The following SYN2 variants were observed in gnomAD, a reference collection of about 807,000 sequenced individuals.
The protein encoded by SYN2 is synapsin II.
Under a neutral mutation model 50.9 loss-of-function variants are expected in SYN2, and 19 were observed. The ratio of observed to expected loss-of-function variants is 0.37; its 90% CI spans 0.26 to 0.55. SYN2 has a LOEUF of 0.55. SYN2 is among the 20% of genes least tolerant of loss of function. The pLI is 0.81. For missense variants in SYN2, 587 were observed against 576.4 expected, an observed-to-expected ratio of 1.02 and a Z score of -0.19; for synonymous variants, 255 against 224.9, an observed-to-expected ratio of 1.13 and a Z score of -1.20.
intron 10 of SYN2, among the ~76,000 whole-genome samples, chr3:12,172,713 C>T (rs1019865627): frequency 1.3e-5 from 2 of 152,214 alleles, no homozygotes; most frequent in Admixed American, 1.3e-4. Flanking sequence ...TGGCTTCTCC[C>T]TCCTTGGAGG....
At chr3:12,070,698 C>T in intron 1 of SYN2, 3 of 1,067,150 alleles carry the variant, frequency 2.8e-6, no homozygotes, top group Non-Finnish European at 4.1e-6. Flanking sequence ...TGTTAATGGA[C>T]CCTGGAGATG....
intron 3 of SYN2, among the ~76,000 whole-genome samples, chr3:12,143,757 G>C (rs370172821): frequency 6.6e-6 from 1 of 152,122 alleles, no homozygotes; most frequent in Non-Finnish European, 1.5e-5. Flanking sequence ...ATATGAGTAC[G>C]GGTGTCTTTT....
intron 1 of SYN2, among the ~76,000 whole-genome samples, chr3:12,075,690 T>G (rs932253027): frequency 2.6e-5 from 4 of 152,190 alleles, no homozygotes; most frequent in African/African-American, 9.7e-5. Context: ...TATTAAGAAT[T>G]ACTGGAACAA....
chr3:12,162,181 C>T lies in SYN2; in HGVS notation c.980+27C>T, dbSNP rs373524963. 5 of 1,608,598 alleles carry T rather than the reference C, an allele frequency of 3.1e-6. No homozygotes were observed. In the African/African-American group the frequency reaches 6.7e-5, roughly 22 times the overall value. ...TGAGTAAGAGTGGGGTATGTTTTCTCCTCAGTGATGATGGAAAAGCTGAGC... is the reference window on the plus strand; with the variant it reads ...TGAGTAAGAGTGGGGTATGTTTTCTTCTCAGTGATGATGGAAAAGCTGAGC... On this transcript the variant is annotated intron_variant, in intron 7 of 12. Coordinates refer to ENST00000621198, the MANE Select transcript of SYN2 (RefSeq NM_133625.6).
At chr3:12,051,119 T>C (rs1694851618) in intron 1 of SYN2, among the ~76,000 whole-genome samples, 2 of 152,200 alleles carry the variant, frequency 1.3e-5, no homozygotes, top group South Asian at 2.1e-4. Context: ...AGAAAGTCAT[T>C]AGAAAATTCT....
chr3:12,129,915 C>T (rs1696757151), intron 1 of SYN2, among the ~76,000 whole-genome samples: 2 of 152,008 alleles, frequency 1.3e-5, no homozygotes, highest in South Asian at 2.1e-4. Flanking sequence ...GGGGCCCTCA[C>T]GATGGTGTTA....
At chr3:12,151,601 T>A (rs1367092911) in intron 5 of SYN2, among the ~76,000 whole-genome samples, 1 of 152,242 alleles carries the variant, frequency 6.6e-6, no homozygotes, top group Non-Finnish European at 1.5e-5. Flanking sequence ...ATCTCACTGC[T>A]TTTGAGTCCC....
chr3:12,005,369 A>G (rs536831461), intron 1 of SYN2, among the ~76,000 whole-genome samples: 66 of 152,148 alleles, frequency 4.3e-4, no homozygotes, highest in Non-Finnish European at 8.5e-4. Context: ...TTGGAATGGA[A>G]ATTGGTATTT....
Position 12,073,133 on chromosome 3 carries a change from A to G in SYN2, c.378-67518A>G, listed in dbSNP as rs545964638. ...ATGTGGAGTGGACTGGGTTTTTTCA[A>G]CTGTTAGAAAGTAAGTTTTCCCTTA... On this transcript the variant is annotated intron_variant, in intron 1 of 12. Transcript: ENST00000621198. Among the ~76,000 whole-genome samples the G allele has an allele frequency of 7.9e-5, 12 of 152,252 alleles. No homozygotes were observed. In the East Asian group the frequency reaches 2.1e-3, roughly 27 times the overall value.
At chr3:12,120,589 T>C (rs187444940) in intron 1 of SYN2, among the ~76,000 whole-genome samples, 2 of 152,334 alleles carry the variant, frequency 1.3e-5, no homozygotes, top group Admixed American at 1.3e-4. Flanking sequence ...GAAAGCCAAA[T>C]GCCATGGCCA....
intron 1 of SYN2, chr3:12,070,420 A>G (rs1269256180): frequency 5.5e-6 from 3 of 544,092 alleles, no homozygotes; most frequent in African/African-American, 3.8e-5. Flanking sequence ...TGGCATCCTG[A>G]CGCTGAAGAT....
At chr3:12,150,572 C>T (rs114240669) in intron 4 of SYN2, among the ~76,000 whole-genome samples, 3,659 of 152,148 alleles carry the variant, frequency 0.024, 161 homozygotes, top group African/African-American at 0.083. Context: ...GTACTTTGCC[C>T]CTTCCCCATG....
At chr3:12,172,140 C>A (rs1191871813) in intron 10 of SYN2, among the ~76,000 whole-genome samples, 1 of 152,208 alleles carries the variant, frequency 6.6e-6, no homozygotes, top group Non-Finnish European at 1.5e-5. Context: ...TCAGGACACA[C>A]AAGGGCTAAT....
intron 1 of SYN2, among the ~76,000 whole-genome samples, chr3:12,116,912 G>T (rs542175069): frequency 2.2e-4 from 34 of 152,164 alleles, no homozygotes; most frequent in African/African-American, 7.9e-4. Flanking sequence ...ACCATGCCCA[G>T]CTAATTTTTT....
intron 1 of SYN2, among the ~76,000 whole-genome samples, chr3:12,083,282 G>C (rs1695619595): frequency 6.6e-6 from 1 of 152,220 alleles, no homozygotes; most frequent in African/African-American, 2.4e-5. Flanking sequence ...AAAGTGTTGG[G>C]ATTACAGGCG....
chr3:12,120,066 A>G (rs1347288302), intron 1 of SYN2, among the ~76,000 whole-genome samples: 2 of 152,156 alleles, frequency 1.3e-5, no homozygotes, highest in African/African-American at 2.4e-5. Context: ...AAAAAAATGG[A>G]GCTCCTTTGG....
chr3:12,064,276 A>G (rs1695166851), intron 1 of SYN2, among the ~76,000 whole-genome samples: 1 of 152,114 alleles, frequency 6.6e-6, no homozygotes, highest in South Asian at 2.1e-4. Context: ...GGAGAACTTA[A>G]GGAGACATGG....
At chr3:12,005,123 A>G (rs1407829027) in intron 1 of SYN2, among the ~76,000 whole-genome samples, 195 bp downstream of exon 1, 1 of 152,150 alleles carries the variant, frequency 6.6e-6, no homozygotes, top group Non-Finnish European at 1.5e-5. Flanking sequence ...CAGCCCGGAA[A>G]GGCGAACCCA....
chr3:12,141,008 T>C (rs1220277744), intron 2 of SYN2, among the ~76,000 whole-genome samples: 1 of 152,126 alleles, frequency 6.6e-6, no homozygotes, highest in Admixed American at 6.5e-5. Context: ...AGGAAAACTT[T>C]AGAGGGCTTC....
Sources: gnomAD v4.1 joint callset for allele counts (sites outside exome capture counted in the v4.1 genomes callset) on GRCh38, gnomAD v4.1.1 for gene constraint, MANE v1.5 for transcripts, NCBI Gene and HGNC (gene_info 2026-07-23, HGNC 2026-07-21) for gene names.